The following PARD6G variants were observed in gnomAD, a reference collection of about 807,000 sequenced individuals.
PARD6G encodes the protein par-6 family cell polarity regulator gamma, also known as partitioning defective 6 homolog gamma.
In PARD6G, 7 loss-of-function variants were observed where a neutral mutation model predicts 10.7. The observed-to-expected ratio is 0.66, with a 90% CI of 0.37 to 1.23. PARD6G has a LOEUF of 1.23. Among genes scored for constraint, PARD6G ranks in the 50% most tolerant of loss-of-function variants. PARD6G has a pLI of 0.02. For synonymous variants in PARD6G, 287 were observed against 269.4 expected (o/e 1.07, Z -0.64); for missense variants, 548 against 571.8 (o/e 0.96, Z 0.42).
chr18:80,195,548 C>CATATATAT lies in PARD6G; in HGVS notation c.295+7154_295+7161dup, dbSNP rs201373415. Among the ~76,000 whole-genome samples the CATATATAT allele has an allele frequency of 7.3e-3, 599 of 82,178 alleles. 33 individuals carry two copies. Among genetic ancestry groups the CATATATAT allele is most frequent in the African/African-American group, 0.016 (364 of 23,374 alleles). The allele number at this position is 82,178 out of a possible 152,430, so 53.9% of individuals were successfully genotyped here. A position where few individuals can be genotyped will look rare whatever the true frequency, so the allele number is the denominator to read the frequency against. Reference sequence around the variant, plus strand: ...CACACAATAAGAGTCTTCAAAGATACATATATATATATATATATATATATA... The same window carrying CATATATAT: ...CACACAATAAGAGTCTTCAAAGATACATATATATATATATATATATATATATATATATA... On this transcript the variant is annotated intron_variant, in intron 2 of 2. Transcript: ENST00000353265.
chr18:80,230,273 T>C (rs1476308888), intron 1 of PARD6G, among the ~76,000 whole-genome samples: 1 of 152,224 alleles, frequency 6.6e-6, no homozygotes, highest in Non-Finnish European at 1.5e-5. Context: ...GGAGCACCTG[T>C]GCACATCTGT....
intron 1 of PARD6G, among the ~76,000 whole-genome samples, chr18:80,208,565 G>A (rs1967077387): frequency 6.6e-6 from 1 of 152,050 alleles, no homozygotes; most frequent in Non-Finnish European, 1.5e-5. Context: ...TCCTATCCCG[G>A]GAGGTCATCT....
chr18:80,206,930 G>A (rs1290361697), intron 1 of PARD6G, among the ~76,000 whole-genome samples: 1 of 150,230 alleles, frequency 6.7e-6, no homozygotes, highest in Non-Finnish European at 1.5e-5. Context: ...TTACTTGGAT[G>A]GCTAGTGATT....
At position 80,160,461 on chromosome 18, in the gene PARD6G, G is replaced by A. The variant is rs941288448; in HGVS notation, c.441C>T (p.Ile147=). Residue 147 remains isoleucine, a synonymous_variant, in exon 3 of 3, where the codon ATC becomes ATT. Coordinates refer to ENST00000353265, the MANE Select transcript of PARD6G (RefSeq NM_032510.4). ...PRDFRPVSSI[I]DVDLVPETHR... Reference sequence around the variant, plus strand: ...GCGTCTCGGGGACCAGGTCCACATCGATGATGGATGATACGGGGCGGAAGT... The same window carrying A: ...GCGTCTCGGGGACCAGGTCCACATCAATGATGGATGATACGGGGCGGAAGT... 1.3e-6 allele frequency: 2 copies of A among 1,570,794 alleles called. No homozygotes were observed. The highest frequency in any genetic ancestry group is 1.3e-5 in the African/African-American group (1 of 74,106).
chr18:80,213,907 G>A (rs552811396), intron 1 of PARD6G, among the ~76,000 whole-genome samples: 26 of 137,870 alleles, frequency 1.9e-4, no homozygotes, highest in Admixed American at 1.3e-3. Context: ...GCAATGAGCC[G>A]AGATCATGCC....
intron 1 of PARD6G, among the ~76,000 whole-genome samples, chr18:80,211,542 C>T (rs1460963253): frequency 9.2e-5 from 14 of 152,220 alleles, no homozygotes; most frequent in Admixed American, 7.2e-4. Flanking sequence ...ACCATATGAT[C>T]CAGCATTCTA....
intron 1 of PARD6G, among the ~76,000 whole-genome samples, chr18:80,226,273 C>T (rs763117046): frequency 3.4e-5 from 5 of 147,112 alleles, no homozygotes; most frequent in East Asian, 2.1e-4. Context: ...TGGGTTCAGG[C>T]GATTCTCCTG....
intron 2 of PARD6G, among the ~76,000 whole-genome samples, chr18:80,166,125 C>T (rs1001868712): frequency 1.3e-4 from 20 of 152,042 alleles, no homozygotes; most frequent in African/African-American, 4.6e-4. Flanking sequence ...ATAGCTACCA[C>T]TTTGTCACCA....
chr18:80,224,963 C>A (rs375689157), intron 1 of PARD6G, among the ~76,000 whole-genome samples: 3 of 152,260 alleles, frequency 2.0e-5, no homozygotes, highest in South Asian at 2.1e-4. Flanking sequence ...ACCCTCATTT[C>A]CTGACTCTGG....
chr18:80,237,532 A>G (rs142661901), intron 1 of PARD6G, among the ~76,000 whole-genome samples: 3,878 of 152,338 alleles, frequency 0.025, 156 homozygotes, highest in African/African-American at 0.089. Context: ...ACTTCTGCAC[A>G]GCAAAAGAAA....
In PARD6G at chr18:80,159,693, T is replaced by A; in HGVS notation, c.*78A>T. The A allele has an allele frequency of 7.6e-7, 1 of 1,319,684 alleles. No individual in the cohort carries two copies. The allele number at this position is 1,319,684 out of a possible 1,614,324, so 81.7% of individuals were successfully genotyped here. A position where few individuals can be genotyped will look rare whatever the true frequency, so the allele number is the denominator to read the frequency against. ...TTGTGGTCACAAAAACAACAAAAAA[T>A]GAGCGGATGCAGTCTGCAGGTCCTG... On this transcript the variant is annotated 3_prime_UTR_variant, in exon 3 of 3. Coordinates refer to ENST00000353265, the MANE Select transcript of PARD6G (RefSeq NM_032510.4).
chr18:80,182,944 A>G lies in PARD6G; in HGVS notation c.295+19766T>C. 4 of 612,930 alleles carry G rather than the reference A, an allele frequency of 6.5e-6. No homozygotes were observed. Among genetic ancestry groups the G allele is most frequent in the Non-Finnish European group, 1.2e-5 (4 of 342,166 alleles). 38.0% of individuals were successfully genotyped at this position (612,930 alleles called of 1,614,324 possible). ...TGTGCCACAACACTGCAGGCCCCAC[A>G]CCACGCAGCCAGACGCCCCTCCCAG... is the stretch of plus-strand genomic sequence containing the variant. On this transcript the variant is annotated intron_variant, in intron 2 of 2. Transcript: ENST00000353265. This position sits in a 1 kb window ranked among gnomAD's most constrained non-coding sequence, Gnocchi z 4.5.
rs567192727 is a variant in PARD6G, at chr18:80,174,750, C to G, written c.296-14144G>C. 7.4e-4 allele frequency among the ~76,000 whole-genome samples: 113 copies of G among 152,120 alleles called. No individual in the cohort carries two copies. In the Middle Eastern group the frequency reaches 0.01, roughly 14 times the overall value. ...CGGGCGGATCACGAGGTCAGGAGAT[C>G]GAGACCATCCTGGCTAACACGGTGA... On this transcript the variant is annotated intron_variant, in intron 2 of 2. Coordinates refer to ENST00000353265, the MANE Select transcript of PARD6G (RefSeq NM_032510.4).
In PARD6G at chr18:80,181,470, T is replaced by C. The variant is rs1337231121; in HGVS notation, c.296-20864A>G. On this transcript the variant is annotated intron_variant, in intron 2 of 2. Transcript: ENST00000353265. The surrounding 1 kb of genome is among the most constrained non-coding windows in gnomAD (Gnocchi z 7.9). ...GCCGCTGTGAGCCCTCAAGAAGGCC[T>C]CATCTCCATACAGCGCTGCGGCCAG... 6.6e-6 allele frequency among the ~76,000 whole-genome samples: 1 copy of C among 152,076 alleles called. No homozygotes were observed. The highest frequency in any genetic ancestry group is 2.4e-5 in the African/African-American group (1 of 41,396).
chr18:80,177,138 ACCACAG>A, intron 2 of PARD6G, among the ~76,000 whole-genome samples: 1 of 140,530 alleles, frequency 7.1e-6, no homozygotes. Context: ...ACACACACAC[ACCACAG>A]TATAAATCAC....
intron 1 of PARD6G, among the ~76,000 whole-genome samples, chr18:80,214,660 C>T (rs1967144625): frequency 6.6e-6 from 1 of 151,792 alleles, no homozygotes; most frequent in Non-Finnish European, 1.5e-5. Flanking sequence ...TTGAGATTAT[C>T]CAATCAGAGG....
intron 1 of PARD6G, among the ~76,000 whole-genome samples, chr18:80,241,291 T>C (rs1314382647): frequency 6.6e-6 from 1 of 152,146 alleles, no homozygotes; most frequent in Non-Finnish European, 1.5e-5. Flanking sequence ...ACTCTAGACT[T>C]TGGAGCTAGA....
intron 1 of PARD6G, among the ~76,000 whole-genome samples, chr18:80,213,872 G>A (rs1281448017): frequency 6.6e-6 from 1 of 150,896 alleles, no homozygotes; most frequent in African/African-American, 2.4e-5. Flanking sequence ...GCAGGAGAAT[G>A]GCATGAATCC....
In PARD6G at chr18:80,208,844, C is replaced by T. The variant is rs181390944; in HGVS notation, c.73-5912G>A. 1.1e-4 allele frequency among the ~76,000 whole-genome samples: 17 copies of T among 152,284 alleles called. 1 individual carries two copies. The highest frequency in any genetic ancestry group is 1.9e-4 in the Non-Finnish European group (13 of 68,020). On this transcript the variant is annotated intron_variant, in intron 1 of 2. Transcript: ENST00000353265. ...CCATCAAAAAGTCCACATTGGCCAGCGATGGCTGATGTCTGTAATCTCAGC... is the reference window on the plus strand; with the variant it reads ...CCATCAAAAAGTCCACATTGGCCAGTGATGGCTGATGTCTGTAATCTCAGC...
Sources: allele counts gnomAD v4.1 joint callset (sites outside exome capture counted in the v4.1 genomes callset), GRCh38; gene constraint gnomAD v4.1.1; non-coding constraint Gnocchi (gnomAD v3.1); transcripts MANE v1.5; gene names NCBI Gene and HGNC (gene_info 2026-07-23, HGNC 2026-07-21).